The following RALGAPA2 variants were observed in gnomAD, a reference collection of about 807,000 sequenced individuals.
RALGAPA2 encodes Ral GTPase activating protein catalytic subunit alpha 2, also known as ral GTPase-activating protein subunit alpha-2.
A neutral mutation model predicts 230.4 loss-of-function variants in RALGAPA2; 139 were observed. The observed-to-expected ratio is 0.60, with a 90% CI of 0.53 to 0.69. The LOEUF (loss-of-function observed/expected upper bound fraction) is 0.69, where lower values mean the gene tolerates loss of function less well. Ranked by LOEUF, RALGAPA2 falls within the 30% of genes least tolerant of loss-of-function variation. RALGAPA2 has a pLI of 0.00. For missense variants in RALGAPA2, 2,163 were observed against 2,276.0 expected, an observed-to-expected ratio of 0.95 and a Z score of 1.01; for synonymous variants, 847 against 837.8, an observed-to-expected ratio of 1.01 and a Z score of -0.19.
chr20:20,532,480 C>T lies in RALGAPA2; in HGVS notation c.3474-685G>A, dbSNP rs141354126. 7.3e-3 allele frequency among the ~76,000 whole-genome samples: 1,111 copies of T among 152,194 alleles called. 11 individuals carry two copies. Among genetic ancestry groups the T allele is most frequent in the African/African-American group, 0.026 (1,065 of 41,528 alleles). Reference sequence around the variant, plus strand: ...GGAAAAAGAAGAAATCAAGGGTTTTCTCTAAATTTCTGAACTGAAAACCTG... The same window carrying T: ...GGAAAAAGAAGAAATCAAGGGTTTTTTCTAAATTTCTGAACTGAAAACCTG... On this transcript the variant is annotated intron_variant, in intron 26 of 39. Transcript: ENST00000202677.
chr20:20,453,459 G>A (rs979776470), intron 37 of RALGAPA2, among the ~76,000 whole-genome samples: 26 of 152,276 alleles, frequency 1.7e-4, no homozygotes, highest in African/African-American at 5.1e-4. Flanking sequence ...TGCGGGGGGT[G>A]GGTTTGGGCT....
chr20:20,583,367 TGA>T, intron 19 of RALGAPA2, 141 bp from the exon 20 acceptor site: 1 of 919,632 alleles, frequency 1.1e-6, no homozygotes, highest in Non-Finnish European at 1.6e-6. Context: ...CTGCAGAACT[TGA>T]GAGGAGCTCA....
intron 1 of RALGAPA2, 72 bp from the exon 2 acceptor site, chr20:20,680,873 A>C: frequency 6.7e-7 from 1 of 1,502,054 alleles, no homozygotes; most frequent in Non-Finnish European, 8.8e-7. Flanking sequence ...CAAACTTCTC[A>C]GAAAAGAAGG....
chr20:20,395,374 G>A (rs769104427), intron 39 of RALGAPA2, among the ~76,000 whole-genome samples: 6 of 152,208 alleles, frequency 3.9e-5, no homozygotes, highest in Non-Finnish European at 7.3e-5. Context: ...GATATGACAC[G>A]TCCACTCGCA....
At position 20,633,681 on chromosome 20, in the gene RALGAPA2, T is replaced by G. The variant is rs184369742; in HGVS notation, c.1005+1737A>C. Among the ~76,000 whole-genome samples, 9 of 152,166 alleles carry G rather than the reference T, an allele frequency of 5.9e-5. No homozygotes were observed. In the East Asian group the frequency reaches 1.5e-3, roughly 26 times the overall value. Reference sequence around the variant, plus strand: ...TTTTACTAGAGATGGGGTTTCACCATGTTAGCAAGGATGGTCTCGATCTCC... The same window carrying G: ...TTTTACTAGAGATGGGGTTTCACCAGGTTAGCAAGGATGGTCTCGATCTCC... On this transcript the variant is annotated intron_variant, in intron 9 of 39. Coordinates refer to ENST00000202677, the MANE Select transcript of RALGAPA2 (RefSeq NM_020343.4).
At chr20:20,466,110 TG>T (rs929638880) in intron 37 of RALGAPA2, among the ~76,000 whole-genome samples, 1 of 152,194 alleles carries the variant, frequency 6.6e-6, no homozygotes, top group African/African-American at 2.4e-5. Flanking sequence ...GCCTCAGCAC[TG>T]GGGAGACACC....
At chr20:20,416,071 G>A (rs939433230) in intron 37 of RALGAPA2, among the ~76,000 whole-genome samples, 2 of 152,150 alleles carry the variant, frequency 1.3e-5, no homozygotes, top group South Asian at 2.1e-4. Context: ...AAGTGGTTCC[G>A]ACTCCAGCCT....
rs922620492 is a variant in RALGAPA2, at chr20:20,512,225, A to C, written c.4856+288T>G. Reference sequence around the variant, plus strand: ...ACAAACAACAACAACAACCCCCCCTACACACACACACACATACACACACAC... The same window carrying C: ...ACAAACAACAACAACAACCCCCCCTCCACACACACACACATACACACACAC... On this transcript the variant is annotated intron_variant, in intron 32 of 39. Coordinates refer to ENST00000202677, the MANE Select transcript of RALGAPA2 (RefSeq NM_020343.4). 1.0e-4 allele frequency among the ~76,000 whole-genome samples: 13 copies of C among 129,100 alleles called. No individual in the cohort carries two copies. The South Asian group carries it at 1.5e-3, about 15-fold the overall frequency. The allele number at this position is 129,100 out of a possible 152,430, so 84.7% of individuals were successfully genotyped here.
intron 16 of RALGAPA2, among the ~76,000 whole-genome samples, chr20:20,595,982 C>CA (rs973632670): frequency 6.6e-6 from 1 of 151,696 alleles, no homozygotes; most frequent in African/African-American, 2.4e-5. Flanking sequence ...AACAAACAAA[C>CA]AAAAAAACTG....
At chr20:20,404,235 T>C (rs531405727) in intron 38 of RALGAPA2, among the ~76,000 whole-genome samples, 1 of 152,336 alleles carries the variant, frequency 6.6e-6, no homozygotes, top group South Asian at 2.1e-4. Flanking sequence ...TTCAAATGGA[T>C]GGGCATGTTT....
chr20:20,710,827 A>C (rs2069826369), intron 1 of RALGAPA2, among the ~76,000 whole-genome samples: 1 of 152,228 alleles, frequency 6.6e-6, no homozygotes, highest in Non-Finnish European at 1.5e-5. Flanking sequence ...ACAAAAATTT[A>C]AACGCTAAAG....
At chr20:20,690,537 T>C (rs2068864105) in intron 1 of RALGAPA2, among the ~76,000 whole-genome samples, 1 of 152,126 alleles carries the variant, frequency 6.6e-6, no homozygotes, top group African/African-American at 2.4e-5. Flanking sequence ...GCTCTGGGCA[T>C]CACTAATCTC....
intron 35 of RALGAPA2, among the ~76,000 whole-genome samples, chr20:20,501,109 G>C (rs1419099370): frequency 6.6e-6 from 1 of 152,198 alleles, no homozygotes; most frequent in Non-Finnish European, 1.5e-5. Context: ...AAGGGCCCTA[G>C]AATTTGGGGA....
intron 23 of RALGAPA2, among the ~76,000 whole-genome samples, chr20:20,567,342 A>T (rs2064464548): frequency 2.0e-5 from 3 of 152,238 alleles, no homozygotes; most frequent in African/African-American, 7.2e-5. Flanking sequence ...GATGTGAAAA[A>T]GCTGCTTAAG....
intron 12 of RALGAPA2, among the ~76,000 whole-genome samples, chr20:20,617,445 CAAAG>C (rs887999505): frequency 6.6e-6 from 1 of 152,078 alleles, no homozygotes; most frequent in Non-Finnish European, 1.5e-5. Context: ...AAAACAAAAA[CAAAG>C]AGCTTTTTGA....
chr20:20,465,550 T>C (rs2061403217), intron 37 of RALGAPA2, among the ~76,000 whole-genome samples: 1 of 152,142 alleles, frequency 6.6e-6, no homozygotes, highest in Admixed American at 6.5e-5. Flanking sequence ...AGAATGAGGC[T>C]GTTCCTGATA....
At chr20:20,423,854 T>C (rs954548602) in intron 37 of RALGAPA2, among the ~76,000 whole-genome samples, 1 of 152,120 alleles carries the variant, frequency 6.6e-6, no homozygotes, top group African/African-American at 2.4e-5. Flanking sequence ...GTATAAGATA[T>C]TAGATTAAGT....
At chr20:20,524,980 T>C (rs1416598902) in intron 28 of RALGAPA2, 82 bp from the exon 29 acceptor site, 2 of 1,299,380 alleles carry the variant, frequency 1.5e-6, no homozygotes, top group South Asian at 2.7e-5. Context: ...CACGATGGCC[T>C]TGCAACTAAA....
At chr20:20,431,564 G>A (rs2122968628) in intron 37 of RALGAPA2, among the ~76,000 whole-genome samples, 1 of 152,314 alleles carries the variant, frequency 6.6e-6, no homozygotes, top group South Asian at 2.1e-4. Flanking sequence ...GACACAATTT[G>A]CAAACTGGCA....
Sources: allele counts gnomAD v4.1 joint callset (sites outside exome capture counted in the v4.1 genomes callset), GRCh38; gene constraint gnomAD v4.1.1; transcripts MANE v1.5; gene names NCBI Gene and HGNC (gene_info 2026-07-23, HGNC 2026-07-21).